RIMS2: variants seen among roughly 807,000 people sequenced by gnomAD.
RIMS2 encodes the protein regulating synaptic membrane exocytosis 2, also known as regulating synaptic membrane exocytosis protein 2.
A neutral mutation model predicts 174.4 loss-of-function variants in RIMS2; 59 were observed. That is an observed-to-expected ratio of 0.34 (90% CI 0.27 to 0.42). The LOEUF is 0.42. Among genes scored for constraint, RIMS2 ranks in the 10% least tolerant of loss-of-function variants. RIMS2 has a pLI of 1.00. For synonymous variants in RIMS2, 606 were observed against 572.5 expected, an observed-to-expected ratio of 1.06 and a Z score of -0.84; for missense variants, 1,620 against 1,666.3, an observed-to-expected ratio of 0.97 and a Z score of 0.48.
intron 3 of RIMS2, among the ~76,000 whole-genome samples, chr8:103,873,648 T>C (rs563716182): frequency 5.7e-4 from 87 of 152,238 alleles, no homozygotes; most frequent in Admixed American, 2.0e-3. Flanking sequence ...AGAATTATCA[T>C]GTAAAATGTG....
At chr8:104,104,835 A>G (rs7827481) in intron 19 of RIMS2, among the ~76,000 whole-genome samples, 85,305 of 150,640 alleles carry the variant, frequency 0.57, 27,014 homozygotes, top group East Asian at 0.92. Context: ...AGCTGAGATC[A>G]CACCACTGCA....
At chr8:103,667,450 C>A (rs548361154) in intron 1 of RIMS2, among the ~76,000 whole-genome samples, 1 of 152,270 alleles carries the variant, frequency 6.6e-6, no homozygotes, top group East Asian at 1.9e-4. Context: ...GGCCTTCTGG[C>A]AGTTTTCTCT....
At chr8:104,000,370 A>G (rs2095331679) in intron 17 of RIMS2, among the ~76,000 whole-genome samples, 1 of 151,668 alleles carries the variant, frequency 6.6e-6, no homozygotes, top group Non-Finnish European at 1.5e-5. Flanking sequence ...CTTGCTAATC[A>G]TGCATTTCAT....
chr8:104,174,753 G>A (rs565122677), intron 19 of RIMS2, among the ~76,000 whole-genome samples: 68 of 152,328 alleles, frequency 4.5e-4, no homozygotes, highest in Non-Finnish European at 8.2e-4. Context: ...ATGATTTTGA[G>A]TTAAGTCCTG....
chr8:104,198,007 A>T (rs992792156), intron 19 of RIMS2, among the ~76,000 whole-genome samples: 2 of 152,078 alleles, frequency 1.3e-5, no homozygotes, highest in Non-Finnish European at 1.5e-5. Context: ...TAAATACAAC[A>T]GTCAAAATCT....
At position 103,668,676 on chromosome 8, in the gene RIMS2, TTATTTATG is replaced by T. The variant is rs1235935834; in HGVS notation, c.177-28402_177-28395del. Among the ~76,000 whole-genome samples the T allele has an allele frequency of 5.3e-5, 8 of 151,758 alleles. No homozygotes were observed. In the South Asian group the frequency reaches 8.3e-4, roughly 16 times the overall value. ...ACGATTTATTTATTTATTTATTTAT[TTATTTATG>T]TATTTATTTATTTAGAGATGGAGTC... On this transcript the variant is annotated intron_variant, in intron 1 of 23. Transcript: ENST00000504942.
At chr8:103,972,901 A>G (rs2093037367) in intron 15 of RIMS2, among the ~76,000 whole-genome samples, 1 of 152,188 alleles carries the variant, frequency 6.6e-6, no homozygotes, top group Admixed American at 6.5e-5. Context: ...GGTTATTTAA[A>G]TGAATTTAAA....
intron 3 of RIMS2, among the ~76,000 whole-genome samples, chr8:103,793,491 A>C (rs2098520423): frequency 6.6e-6 from 1 of 152,196 alleles, no homozygotes; most frequent in Non-Finnish European, 1.5e-5. Flanking sequence ...ATGGGCAAAA[A>C]CTGGAAGCAT....
At chr8:104,246,525 G>GA (rs2099331121) in intron 20 of RIMS2, among the ~76,000 whole-genome samples, 2 of 152,000 alleles carry the variant, frequency 1.3e-5, no homozygotes, top group Admixed American at 1.3e-4. Context: ...CAAACAATAA[G>GA]AAAAATTGTT....
intron 19 of RIMS2, among the ~76,000 whole-genome samples, chr8:104,206,331 G>A (rs528562303): frequency 1.0e-3 from 157 of 152,200 alleles, no homozygotes; most frequent in African/African-American, 3.5e-3. Context: ...GTATCTCTCT[G>A]AACTTTAGAA....
At chr8:104,085,150 A>T (rs2097514013) in intron 19 of RIMS2, among the ~76,000 whole-genome samples, 1 of 152,218 alleles carries the variant, frequency 6.6e-6, no homozygotes, top group Non-Finnish European at 1.5e-5. Context: ...TTATCTGAAT[A>T]AACAAGGAAT....
At chr8:103,553,454 G>T (rs1217304791) in intron 1 of RIMS2, among the ~76,000 whole-genome samples, 3 of 152,060 alleles carry the variant, frequency 2.0e-5, no homozygotes, top group Non-Finnish European at 4.4e-5. Flanking sequence ...CATGGGGTGG[G>T]GGAAGGAGGG....
intron 17 of RIMS2, among the ~76,000 whole-genome samples, chr8:104,002,663 T>C (rs2095433287): frequency 6.6e-6 from 1 of 152,150 alleles, no homozygotes. Flanking sequence ...TTTGGCTATA[T>C]GATATCTGGA....
At chr8:104,175,183 AT>A (rs2098873918) in intron 19 of RIMS2, among the ~76,000 whole-genome samples, 1 of 152,144 alleles carries the variant, frequency 6.6e-6, no homozygotes, top group Non-Finnish European at 1.5e-5. Context: ...CTAAAATATA[AT>A]TGTTTTAGCA....
rs929394002 is a variant in RIMS2, at chr8:103,934,227, TAAA to T, written c.2376-2318_2376-2316del. Among the ~76,000 whole-genome samples the T allele has an allele frequency of 5.9e-5, 9 of 151,986 alleles. No homozygotes were observed. In the East Asian group the frequency reaches 1.7e-3, roughly 29 times the overall value. Reference sequence around the variant, plus strand: ...AAGGATTAGGTTGGATTTTATTTTTTAAAAAAAAGTTAACTACCTTCTTAGCAA... The same window carrying T: ...AAGGATTAGGTTGGATTTTATTTTTTAAAAAGTTAACTACCTTCTTAGCAA... On this transcript the variant is annotated intron_variant, in intron 12 of 23. Coordinates refer to ENST00000504942, the Ensembl canonical transcript of RIMS2.
chr8:103,515,003 T>C (rs1828336842), intron 1 of RIMS2, among the ~76,000 whole-genome samples: 1 of 152,170 alleles, frequency 6.6e-6, no homozygotes, highest in Admixed American at 6.6e-5. Flanking sequence ...TTTATGCTAT[T>C]AGAATTTTGA....
At chr8:103,856,786 A>G (rs1389123736) in intron 3 of RIMS2, among the ~76,000 whole-genome samples, 3 of 152,078 alleles carry the variant, frequency 2.0e-5, no homozygotes, top group Non-Finnish European at 4.4e-5. Context: ...GAAATAGTAT[A>G]GATAACTCAG....
intron 1 of RIMS2, among the ~76,000 whole-genome samples, chr8:103,570,117 A>G (rs10505046): frequency 0.18 from 27,692 of 152,022 alleles, 2,775 homozygotes; most frequent in African/African-American, 0.26. Context: ...CATCCTTTAG[A>G]ACTGCATTAG....
intron 3 of RIMS2, among the ~76,000 whole-genome samples, chr8:103,782,299 T>C (rs77643632): frequency 6.6e-6 from 1 of 152,136 alleles, no homozygotes; most frequent in East Asian, 1.9e-4. Flanking sequence ...AAATCTTTCT[T>C]TACCAGTGCA....
Sources: allele counts gnomAD v4.1 joint callset (sites outside exome capture counted in the v4.1 genomes callset), GRCh38; gene constraint gnomAD v4.1.1; transcripts MANE v1.5; gene names NCBI Gene and HGNC (gene_info 2026-07-23, HGNC 2026-07-21).